FRMD6: variants seen among roughly 807,000 people sequenced by gnomAD.
FRMD6 encodes the protein FERM domain containing 6, also known as FERM domain-containing protein 6.
FRMD6 carries 37 observed loss-of-function variants against 73.2 expected under a neutral mutation model. That is an observed-to-expected ratio of 0.51 (90% CI 0.39 to 0.66). FRMD6 has a LOEUF of 0.66. Ranked by LOEUF, FRMD6 falls within the 30% of genes least tolerant of loss-of-function variation. The probability of loss-of-function intolerance (pLI) is 0.00; values close to 1 mark genes in which losing one functional copy is unlikely to be tolerated. For missense variants in FRMD6, 714 were observed against 780.5 expected, an observed-to-expected ratio of 0.91 and a Z score of 1.02; for synonymous variants, 273 against 282.2, an observed-to-expected ratio of 0.97 and a Z score of 0.33.
chr14:51,623,899 A>C (rs1029278996), intron 2 of FRMD6, among the ~76,000 whole-genome samples: 2 of 152,248 alleles, frequency 1.3e-5, no homozygotes, highest in Admixed American at 6.5e-5. Context: ...ACTGTGGTTT[A>C]GTAGCCCTGG....
rs1281500435 is a variant in FRMD6 at position 51,720,324 on chromosome 14, A to G, written c.1294A>G (p.Ser432Gly). 6.2e-7 allele frequency: 1 copy of G among 1,613,984 alleles called. No homozygotes were observed. The highest frequency in any genetic ancestry group is 8.5e-7 in the Non-Finnish European group (1 of 1,180,032). ...CTGCAGCTCAATGACCAGTCATGGC[A>G]GCTCCCACACCTCAGGGGTGGAGAG... Reference protein sequence around the residue: ...KTCSSMTSHGSSHTSGVESGG... With the variant: ...KTCSSMTSHGGSHTSGVESGG... Residue 432 changes from serine to glycine, a missense_variant, in exon 11 of 14, where the codon AGC becomes GGC. By Grantham distance (56) the Ser-to-Gly change is moderately conservative. Transcript: ENST00000344768.
intron 1 of FRMD6, among the ~76,000 whole-genome samples, chr14:51,521,108 T>A (rs887536417): frequency 6.6e-6 from 1 of 152,134 alleles, no homozygotes; most frequent in Non-Finnish European, 1.5e-5. Flanking sequence ...GGGGAAGTGA[T>A]TATGGTATTA....
intron 9 of FRMD6, among the ~76,000 whole-genome samples, chr14:51,712,984 A>G (rs1368991435): frequency 3.9e-5 from 6 of 152,210 alleles, no homozygotes; most frequent in Non-Finnish European, 8.8e-5. Flanking sequence ...CCATTATTTT[A>G]AAGAGAGGTC....
chr14:51,403,510 C>T, the FRMD6 span, among the ~76,000 whole-genome samples: 3 of 152,124 alleles, frequency 2.0e-5, no homozygotes, highest in African/African-American at 7.2e-5. Context: ...AGGTGATCTT[C>T]CCACTTCAGC....
the FRMD6 span, among the ~76,000 whole-genome samples, chr14:51,412,337 T>C: frequency 6.6e-6 from 1 of 152,244 alleles, no homozygotes; most frequent in Non-Finnish European, 1.5e-5. Context: ...AATGACGTGA[T>C]GAATCTCAAT....
At position 51,549,591 on chromosome 14, in the gene FRMD6, C is replaced by CTTTTT. The variant is rs1168905376; in HGVS notation, c.-209-20754_-209-20753insTTTTT. On this transcript the variant is annotated intron_variant, in intron 1 of 14. Coordinates refer to the FRMD6 transcript ENST00000356218. Reference sequence around the variant, plus strand: ...CAGCTGGAGTATAAACTTTTTTTTTCTTTCTTTTTTTTTTTTTTTTTTTTG... The same window carrying CTTTTT: ...CAGCTGGAGTATAAACTTTTTTTTTCTTTTTTTTCTTTTTTTTTTTTTTTTTTTTG... 4.2e-3 allele frequency among the ~76,000 whole-genome samples: 394 copies of CTTTTT among 93,422 alleles called. 25 individuals are homozygous for CTTTTT. The highest frequency in any genetic ancestry group is 9.5e-3 in the East Asian group (32 of 3,384). 61.3% of individuals were successfully genotyped at this position (93,422 alleles called of 152,430 possible). A position where few individuals can be genotyped will look rare whatever the true frequency, so the allele number is the denominator to read the frequency against.
chr14:51,435,506 C>A, the FRMD6 span, among the ~76,000 whole-genome samples: 1 of 151,664 alleles, frequency 6.6e-6, no homozygotes, highest in African/African-American at 2.4e-5. Context: ...TAAACATTTG[C>A]TTTTTATTAG....
chr14:51,590,791 G>A (rs1233388561), intron 2 of FRMD6, among the ~76,000 whole-genome samples: 1 of 152,240 alleles, frequency 6.6e-6, no homozygotes, highest in Non-Finnish European at 1.5e-5. Context: ...AGTGACCAAA[G>A]TTTTGGAGAA....
At chr14:51,545,401 A>G (rs145668515) in intron 1 of FRMD6, among the ~76,000 whole-genome samples, 19 of 152,190 alleles carry the variant, frequency 1.2e-4, no homozygotes, top group African/African-American at 4.6e-4. Flanking sequence ...AAGCTGCATG[A>G]TCTGTCTTCC....
the FRMD6 span, among the ~76,000 whole-genome samples, chr14:51,421,601 G>GT: frequency 5.0e-3 from 756 of 152,324 alleles, 5 homozygotes; most frequent in African/African-American, 0.018. Flanking sequence ...CAAAAGAACC[G>GT]TAAGAGCCTG....
At chr14:51,429,263 C>G in the FRMD6 span, among the ~76,000 whole-genome samples, 1,392 of 152,282 alleles carry the variant, frequency 9.1e-3, 21 homozygotes, top group African/African-American at 0.032. Flanking sequence ...TCCAATTCCT[C>G]TTCCTCAAAA....
At position 51,720,169 on chromosome 14, in the gene FRMD6, G is replaced by A. The variant is rs763480879; in HGVS notation, c.1139G>A (p.Arg380His). ...GSSAGSMKHKRLSRHSTASHS... is the reference protein window; with the variant it reads ...GSSAGSMKHKHLSRHSTASHS... ...AGTGCGGGCAGCATGAAACACAAGC[G>A]CCTGTCCCGTCATTCCACCGCCAGC... is the stretch of plus-strand genomic sequence containing the variant. The change falls in exon 11 of 14, where the codon CGC (arginine) becomes CAC (histidine). Residue 380 changes from arginine to histidine, a missense_variant. Arg to His is a conservative substitution (Grantham distance 29). Coordinates refer to ENST00000344768, the MANE Select transcript of FRMD6 (RefSeq NM_001267046.2). 1.6e-5 allele frequency: 26 copies of A among 1,613,812 alleles called. No individual in the cohort carries two copies. In the South Asian group the frequency reaches 1.8e-4, roughly 11 times the overall value.
chr14:51,464,353 C>G, the FRMD6 span, among the ~76,000 whole-genome samples: 13 of 151,440 alleles, frequency 8.6e-5, no homozygotes, highest in Non-Finnish European at 4.4e-5. Context: ...ATGTAAGAAA[C>G]CTGCACATCC....
At chr14:51,475,477 G>A in the FRMD6 span, among the ~76,000 whole-genome samples, 5 of 152,176 alleles carry the variant, frequency 3.3e-5, no homozygotes, top group African/African-American at 1.2e-4. Flanking sequence ...CCAGGTTCTA[G>A]GAGGGCTGTG....
chr14:51,399,244 G>A, the FRMD6 span, among the ~76,000 whole-genome samples: 46 of 152,000 alleles, frequency 3.0e-4, no homozygotes, highest in African/African-American at 8.7e-4. Context: ...TCTCCTCCCC[G>A]TCTATCTTTA....
At chr14:51,641,359 A>T (rs1428181642) in intron 2 of FRMD6, among the ~76,000 whole-genome samples, 1 of 152,190 alleles carries the variant, frequency 6.6e-6, no homozygotes, top group African/African-American at 2.4e-5. Flanking sequence ...TTAGGTTTCC[A>T]ACTTTTTTCT....
At chr14:51,406,384 T>C in the FRMD6 span, among the ~76,000 whole-genome samples, 1 of 152,160 alleles carries the variant, frequency 6.6e-6, no homozygotes, top group Non-Finnish European at 1.5e-5. Context: ...ATGATAGGAA[T>C]AGCATTGAAC....
chr14:51,540,419 C>A (rs991897545), intron 1 of FRMD6, among the ~76,000 whole-genome samples: 5 of 152,132 alleles, frequency 3.3e-5, no homozygotes, highest in Non-Finnish European at 7.4e-5. Flanking sequence ...TGTTTTGAGA[C>A]CTTTTACCCG....
intron 2 of FRMD6, among the ~76,000 whole-genome samples, chr14:51,589,917 A>T (rs1307766169): frequency 6.6e-6 from 1 of 152,140 alleles, no homozygotes; most frequent in Non-Finnish European, 1.5e-5. Flanking sequence ...AAAATACAAA[A>T]ATTAGTGGGG....
Sources: allele counts gnomAD v4.1 joint callset (sites outside exome capture counted in the v4.1 genomes callset), GRCh38; gene constraint gnomAD v4.1.1; transcripts MANE v1.5; gene names NCBI Gene and HGNC (gene_info 2026-07-23, HGNC 2026-07-21).